ACTR3C: variants seen among roughly 807,000 people sequenced by gnomAD.
ACTR3C encodes actin-related protein 3C.
ACTR3C carries 18 observed loss-of-function variants against 26.3 expected under a neutral mutation model. The observed-to-expected ratio is 0.68, with a 90% CI of 0.47 to 1.01. The LOEUF (loss-of-function observed/expected upper bound fraction) is 1.01, where lower values mean the gene tolerates loss of function less well. ACTR3C is among the 50% of genes least tolerant of loss of function. The probability of loss-of-function intolerance (pLI) is 0.00; values close to 1 mark genes in which losing one functional copy is unlikely to be tolerated. For missense variants in ACTR3C, 184 were observed against 250.7 expected (o/e 0.73, Z 1.80); for synonymous variants, 55 against 94.5 (o/e 0.58, Z 2.42).
the ACTR3C span, among the ~76,000 whole-genome samples, chr7:150,158,471 A>G: frequency 2.0e-5 from 3 of 152,216 alleles, no homozygotes; most frequent in African/African-American, 7.2e-5. Flanking sequence ...ATAGATGAAG[A>G]AATTGTAGTA....
At chr7:150,227,688 G>GTGTT in the ACTR3C span, among the ~76,000 whole-genome samples, 44 of 111,360 alleles carry the variant, frequency 4.0e-4, no homozygotes, top group South Asian at 3.7e-3. Context: ...TTGTGTCTGG[G>GTGTT]TTTTTTTTTT....
chr7:150,117,284 G>T, the ACTR3C span, among the ~76,000 whole-genome samples: 523 of 152,326 alleles, frequency 3.4e-3, 3 homozygotes, highest in Non-Finnish European at 6.2e-3. Flanking sequence ...AAGTGGTCTT[G>T]CTCAGCGGAG....
chr7:150,149,988 T>C, the ACTR3C span, among the ~76,000 whole-genome samples: 4 of 152,200 alleles, frequency 2.6e-5, no homozygotes, highest in African/African-American at 9.7e-5. Flanking sequence ...CTTGATAAAC[T>C]TATGATTTGT....
the ACTR3C span, among the ~76,000 whole-genome samples, chr7:149,963,459 C>G: frequency 6.6e-6 from 1 of 152,180 alleles, no homozygotes; most frequent in Non-Finnish European, 1.5e-5. Flanking sequence ...ATCCTGTGTC[C>G]ACTTTCAAAG....
At chr7:150,047,316 C>CA in the ACTR3C span, among the ~76,000 whole-genome samples, 3 of 152,224 alleles carry the variant, frequency 2.0e-5, no homozygotes, top group African/African-American at 7.2e-5. Context: ...CAGACATCCG[C>CA]ACATCCAGGG....
At chr7:149,918,663 C>T in the ACTR3C span, among the ~76,000 whole-genome samples, 4,745 of 152,272 alleles carry the variant, frequency 0.031, 255 homozygotes, top group African/African-American at 0.11. Context: ...GCACTCCAGC[C>T]TGGGCAACAA....
chr7:150,174,380 A>G, the ACTR3C span, among the ~76,000 whole-genome samples: 1 of 138,508 alleles, frequency 7.2e-6, no homozygotes, highest in Non-Finnish European at 1.5e-5. Context: ...ATTCATTATC[A>G]TAAGAATAGC....
the ACTR3C span, among the ~76,000 whole-genome samples, chr7:149,988,798 T>C: frequency 1.3e-5 from 2 of 152,228 alleles, no homozygotes; most frequent in East Asian, 3.8e-4. Flanking sequence ...AGGGACAAGG[T>C]GCCCCTTTAT....
chr7:150,218,377 T>C, the ACTR3C span, among the ~76,000 whole-genome samples: 1 of 152,272 alleles, frequency 6.6e-6, no homozygotes, highest in South Asian at 2.1e-4. Flanking sequence ...GAACTGAATA[T>C]TTTTTTTCCT....
At chr7:150,156,539 T>TGAGAGA in the ACTR3C span, among the ~76,000 whole-genome samples, 1 of 148,652 alleles carries the variant, frequency 6.7e-6, no homozygotes, top group African/African-American at 2.5e-5. Flanking sequence ...TGGTGCTTAT[T>TGAGAGA]GAGAGAGAGA....
chr7:150,280,656 C>A (rs1443030760), intron 6 of ACTR3C, among the ~76,000 whole-genome samples: 1 of 152,146 alleles, frequency 6.6e-6, no homozygotes, highest in Admixed American at 6.5e-5. Flanking sequence ...TACATATTCT[C>A]ACTGCACACA....
At chr7:150,231,076 T>G in the ACTR3C span, among the ~76,000 whole-genome samples, 1 of 152,196 alleles carries the variant, frequency 6.6e-6, no homozygotes, top group East Asian at 1.9e-4. Flanking sequence ...TCAGTAATAC[T>G]ATTAATTTCT....
chr7:149,946,589 G>A, the ACTR3C span, among the ~76,000 whole-genome samples: 1 of 152,152 alleles, frequency 6.6e-6, no homozygotes, highest in African/African-American at 2.4e-5. Context: ...TGTAAGTCAA[G>A]GTGGGTGCCC....
At chr7:150,162,601 C>A in the ACTR3C span, among the ~76,000 whole-genome samples, 5 of 152,140 alleles carry the variant, frequency 3.3e-5, no homozygotes, top group Admixed American at 2.6e-4. Context: ...AGGCATGAGC[C>A]AATGGGTCCA....
chr7:150,079,677 A>G, the ACTR3C span, among the ~76,000 whole-genome samples: 1 of 151,982 alleles, frequency 6.6e-6, no homozygotes, highest in East Asian at 1.9e-4. Flanking sequence ...TCCTGGGGAG[A>G]GGCTCACAGC....
the ACTR3C span, among the ~76,000 whole-genome samples, chr7:149,969,891 A>G: frequency 6.6e-6 from 1 of 152,208 alleles, no homozygotes; most frequent in Admixed American, 6.5e-5. Context: ...GAATGTAATT[A>G]CGATGGATTT....
At chr7:150,019,341 C>T in the ACTR3C span, among the ~76,000 whole-genome samples, 1 of 149,970 alleles carries the variant, frequency 6.7e-6, no homozygotes, top group Admixed American at 6.6e-5. Flanking sequence ...TGCCTGTAAT[C>T]CCGACACTTT....
At chr7:150,231,325 G>A in the ACTR3C span, among the ~76,000 whole-genome samples, 9,059 of 151,944 alleles carry the variant, frequency 0.06, 489 homozygotes, top group African/African-American at 0.14. Context: ...TCTTGGAGGT[G>A]GATCTCTCCT....
At chr7:149,897,133 A>G in the ACTR3C span, among the ~76,000 whole-genome samples, 10 of 151,996 alleles carry the variant, frequency 6.6e-5, no homozygotes, top group Non-Finnish European at 1.3e-4. Flanking sequence ...ACTCCACTTC[A>G]GACAGAGTTT....
Sources: allele counts gnomAD v4.1 joint callset (sites outside exome capture counted in the v4.1 genomes callset), GRCh38; gene constraint gnomAD v4.1.1; transcripts MANE v1.5; gene names NCBI Gene and HGNC (gene_info 2026-07-23, HGNC 2026-07-21).